PCDHA9: variants seen among roughly 807,000 people sequenced by gnomAD.
The protein encoded by PCDHA9 is protocadherin alpha 9.
Under a neutral mutation model 62.0 loss-of-function variants are expected in PCDHA9, and 62 were observed. The observed-to-expected ratio is 1.00, with a 90% CI of 0.81 to 1.23. The LOEUF is 1.23. Among genes scored for constraint, PCDHA9 ranks in the 50% most tolerant of loss-of-function variants. PCDHA9 has a pLI of 0.00. For missense variants in PCDHA9, 1,205 were observed against 1,249.8 expected (o/e 0.96, Z 0.54); for synonymous variants, 557 against 567.6 (o/e 0.98, Z 0.27).
In PCDHA9 at chr5:140,851,279, A is replaced by G. The variant is rs1554145338; in HGVS notation, c.2394+390A>G. On this transcript the variant is annotated intron_variant, in intron 1 of 3. Transcript: ENST00000532602. ...ATTTTAGTCTACTTGTATTGTTTAT[A>G]AGAAACCCAAGCAAAAATATATAGC... 2.9e-6 allele frequency: 3 copies of G among 1,045,342 alleles called. 1 individual carries two copies. In the African/African-American group the frequency reaches 5.0e-5, roughly 17 times the overall value. The allele number at this position is 1,045,342 out of a possible 1,614,324, so 64.8% of individuals were successfully genotyped here.
At chr5:140,924,738 T>C (rs2153573504) in intron 1 of PCDHA9, among the ~76,000 whole-genome samples, 1 of 151,522 alleles carries the variant, frequency 6.6e-6, no homozygotes, top group Admixed American at 6.6e-5. Flanking sequence ...CTAATAAAAA[T>C]ACAAAAATTA....
At chr5:140,910,197 T>C (rs1318749477) in intron 1 of PCDHA9, among the ~76,000 whole-genome samples, 1 of 152,202 alleles carries the variant, frequency 6.6e-6, no homozygotes, top group African/African-American at 2.4e-5. Context: ...TAGTCTTTTG[T>C]CCACTTGACC....
intron 1 of PCDHA9, among the ~76,000 whole-genome samples, chr5:140,888,214 G>GTGTGTGTGCA (rs1387597541): frequency 6.6e-6 from 1 of 152,130 alleles, no homozygotes; most frequent in Admixed American, 6.5e-5. Context: ...TGGATTTTGT[G>GTGTGTGTGCA]TGTGTGTGCA....
At chr5:140,882,180 AG>A (rs2058993159) in intron 1 of PCDHA9, 1 of 1,518,026 alleles carries the variant, frequency 6.6e-7, no homozygotes. Flanking sequence ...CTTCCGCACT[AG>A]GAAGCCATAA....
intron 3 of PCDHA9, among the ~76,000 whole-genome samples, chr5:140,994,582 G>A (rs1179279862): frequency 6.6e-6 from 1 of 152,062 alleles, no homozygotes; most frequent in Non-Finnish European, 1.5e-5. Context: ...GCATGCACTT[G>A]TAGTCTCAGC....
At chr5:140,967,954 C>T in intron 1 of PCDHA9, 1 of 1,614,208 alleles carries the variant, frequency 6.2e-7, no homozygotes, top group Non-Finnish European at 8.5e-7. Flanking sequence ...ACTCAGGCCC[C>T]AACCGGAAAG....
intron 1 of PCDHA9, chr5:140,928,231 CA>C: frequency 6.2e-7 from 1 of 1,614,226 alleles, no homozygotes; most frequent in Non-Finnish European, 8.5e-7. Flanking sequence ...AAACTTTCCT[CA>C]ACCCCAGCAG....
chr5:140,920,118 T>A (rs1196076867), intron 1 of PCDHA9, among the ~76,000 whole-genome samples: 1 of 152,164 alleles, frequency 6.6e-6, no homozygotes, highest in Non-Finnish European at 1.5e-5. Context: ...CTTGCCAACA[T>A]CTTGAGTTTT....
intron 1 of PCDHA9, chr5:140,928,280 C>T (rs781831365): frequency 6.2e-7 from 1 of 1,614,076 alleles, no homozygotes; most frequent in African/African-American, 1.3e-5. Context: ...CCTGGGGCCT[C>T]TCTAGGCCGA....
intron 1 of PCDHA9, chr5:140,876,694 G>A (rs1196941664): frequency 6.2e-7 from 1 of 1,614,142 alleles, no homozygotes; most frequent in African/African-American, 1.3e-5. Flanking sequence ...CTACTCGTTG[G>A]TGCTGGACAG....
intron 1 of PCDHA9, chr5:140,926,832 G>C: frequency 6.6e-7 from 1 of 1,505,338 alleles, no homozygotes; most frequent in Non-Finnish European, 8.9e-7. Context: ...GGAGTCCGGA[G>C]CATGGTCCTG....
chr5:140,869,184 G>A (rs1554162580), intron 1 of PCDHA9: 44 of 1,613,836 alleles, frequency 2.7e-5, no homozygotes, highest in Non-Finnish European at 3.7e-5. Flanking sequence ...GGGAGGTGGG[G>A]AGCGGCCAGC....
intron 1 of PCDHA9, among the ~76,000 whole-genome samples, chr5:140,977,142 T>C (rs781987643): frequency 6.6e-6 from 1 of 152,236 alleles, no homozygotes; most frequent in Non-Finnish European, 1.5e-5. Context: ...TCAGTCCTGC[T>C]GGAACTGTGC....
At chr5:140,877,280 A>G (rs782014601) in intron 1 of PCDHA9, 14 of 1,613,734 alleles carry the variant, frequency 8.7e-6, no homozygotes, top group Non-Finnish European at 1.2e-5. Context: ...GACTCCGGCT[A>G]TAACGCTTGG....
intron 1 of PCDHA9, chr5:140,851,195 TAGTC>T (rs1233299239): frequency 1.2e-5 from 14 of 1,207,754 alleles, no homozygotes; most frequent in Non-Finnish European, 1.5e-5. Context: ...ATTTAGTTGT[TAGTC>T]ATTCATTAAA....
chr5:140,877,649 C>T (rs369703340), intron 1 of PCDHA9: 4 of 1,613,556 alleles, frequency 2.5e-6, no homozygotes, highest in Middle Eastern at 1.7e-4. Context: ...TGCTCAGCGC[C>T]GCCCACCGTG....
At chr5:140,987,211 C>A (rs1190567678) in intron 3 of PCDHA9, among the ~76,000 whole-genome samples, 1 of 145,070 alleles carries the variant, frequency 6.9e-6, no homozygotes, top group South Asian at 2.1e-4. Flanking sequence ...GAGACTCCAT[C>A]TCAAAAAAAA....
At chr5:140,969,552 T>A in intron 1 of PCDHA9, 1 of 1,234,382 alleles carries the variant, frequency 8.1e-7, no homozygotes, top group Non-Finnish European at 1.1e-6. Flanking sequence ...CATGAAGCCT[T>A]GTCCATAAAA....
chr5:140,927,948 C>G, intron 1 of PCDHA9: 4 of 1,614,190 alleles, frequency 2.5e-6, no homozygotes, highest in Non-Finnish European at 3.4e-6. Flanking sequence ...TACCTGAGGA[C>G]GCTGCCCCTG....
Sources: allele counts gnomAD v4.1 joint callset (sites outside exome capture counted in the v4.1 genomes callset), GRCh38; gene constraint gnomAD v4.1.1; transcripts MANE v1.5; gene names NCBI Gene and HGNC (gene_info 2026-07-23, HGNC 2026-07-21).